Variants in LCOR observed in about 807,000 individuals in gnomAD.
The protein encoded by LCOR is ligand-dependent corepressor.
In LCOR, 14 loss-of-function variants were observed where a neutral mutation model predicts 64.4. The ratio of observed to expected loss-of-function variants is 0.22; its 90% CI spans 0.14 to 0.34. The LOEUF (loss-of-function observed/expected upper bound fraction) is 0.34. Ranked by LOEUF, LCOR falls within the 10% of genes least tolerant of loss-of-function variation. The pLI is 1.00. For missense variants in LCOR, 1,686 were observed against 1,765.3 expected (o/e 0.96, Z 0.80); for synonymous variants, 643 against 642.5 (o/e 1.00, Z -0.01).
intron 4 of LCOR, among the ~76,000 whole-genome samples, chr10:96,927,932 T>C (rs1305977887): frequency 1.3e-5 from 2 of 152,246 alleles, no homozygotes; most frequent in African/African-American, 2.4e-5. Context: ...GTCTGTTAAG[T>C]GTGCAATAGC....
intron 4 of LCOR, among the ~76,000 whole-genome samples, chr10:96,924,782 A>G (rs973208397): frequency 6.6e-6 from 1 of 152,196 alleles, no homozygotes; most frequent in Non-Finnish European, 1.5e-5. Flanking sequence ...ACTCTTAAAT[A>G]TTTCAGTGTG....
At chr10:96,849,297 TCTC>T (rs1400556853) in intron 2 of LCOR, among the ~76,000 whole-genome samples, 1 of 151,964 alleles carries the variant, frequency 6.6e-6, no homozygotes, top group Non-Finnish European at 1.5e-5. Flanking sequence ...ATGGTCTCGA[TCTC>T]CTGATCTCGT....
At chr10:96,913,748 C>G (rs890831388) in intron 4 of LCOR, among the ~76,000 whole-genome samples, 2 of 152,002 alleles carry the variant, frequency 1.3e-5, no homozygotes, top group African/African-American at 4.8e-5. Context: ...ATGGCAAAAC[C>G]CCATCTCTAC....
intron 7 of LCOR, among the ~76,000 whole-genome samples, chr10:96,971,970 T>C (rs1250093115): frequency 6.6e-6 from 1 of 152,136 alleles, no homozygotes; most frequent in African/African-American, 2.4e-5. Flanking sequence ...CAGATGATTT[T>C]ATTAATACTT....
chr10:96,950,330 T>C (rs1032514102), intron 6 of LCOR, among the ~76,000 whole-genome samples: 3 of 152,166 alleles, frequency 2.0e-5, no homozygotes, highest in Admixed American at 6.5e-5. Flanking sequence ...ATCTGAGTTC[T>C]GAGAGATTTC....
chr10:96,918,914 C>T (rs1027904021), intron 4 of LCOR, among the ~76,000 whole-genome samples: 6 of 152,064 alleles, frequency 3.9e-5, no homozygotes, highest in African/African-American at 1.4e-4. Context: ...CAGCACTGCT[C>T]AAAGTTTTCT....
intron 2 of LCOR, among the ~76,000 whole-genome samples, chr10:96,849,351 G>A (rs908762566): frequency 4.6e-5 from 7 of 152,042 alleles, no homozygotes; most frequent in Non-Finnish European, 1.5e-5. Context: ...GGGATTACAG[G>A]CGTGAGCCAC....
rs1025233058 is a variant in LCOR, at chr10:96,958,133, T to C, written c.332+5937T>C. ...GCAGCCATAGTACCTTTTTGCGTAATGTTTGGGATATTCAGTAGCCCAGGA... is the reference window on the plus strand; with the variant it reads ...GCAGCCATAGTACCTTTTTGCGTAACGTTTGGGATATTCAGTAGCCCAGGA... On this transcript the variant is annotated intron_variant, in intron 7 of 7. Transcript: ENST00000421806. 20 of 1,190,458 alleles carry C rather than the reference T, an allele frequency of 1.7e-5. No individual in the cohort carries two copies. In the South Asian group the frequency reaches 1.8e-4, roughly 11 times the overall value. 73.7% of individuals were successfully genotyped at this position (1,190,458 alleles called of 1,614,324 possible).
chr10:96,968,327 G>A (rs1847968735), intron 7 of LCOR, among the ~76,000 whole-genome samples: 1 of 152,030 alleles, frequency 6.6e-6, no homozygotes, highest in Non-Finnish European at 1.5e-5. Context: ...TACCACTTTG[G>A]CATTCTTGAC....
chr10:96,941,312 C>T (rs1156775348), intron 4 of LCOR, among the ~76,000 whole-genome samples: 839 of 132,364 alleles, frequency 6.3e-3, no homozygotes, highest in Non-Finnish European at 7.7e-3. Flanking sequence ...CCCTCCCGGA[C>T]GGGGCGGCTG....
At chr10:96,956,428 GAAA>G in intron 7 of LCOR, 1 of 985,140 alleles carries the variant, frequency 1.0e-6, no homozygotes, top group Non-Finnish European at 1.2e-6. Context: ...TTAAACTAAA[GAAA>G]AAACTAAGAA....
At chr10:96,884,380 A>C (rs147542707) in intron 2 of LCOR, among the ~76,000 whole-genome samples, 334 of 152,364 alleles carry the variant, frequency 2.2e-3, no homozygotes, top group African/African-American at 7.6e-3. Flanking sequence ...ACGCTAAAGT[A>C]GTATCTTTGG....
At chr10:96,951,934 C>G (rs900106493) in intron 6 of LCOR, among the ~76,000 whole-genome samples, 169 bp from the exon 7 acceptor site, 2 of 152,158 alleles carry the variant, frequency 1.3e-5, no homozygotes, top group African/African-American at 4.8e-5. Context: ...ACATGCCTTG[C>G]TAAATTTATG....
rs751419395 is a variant in LCOR, at chr10:96,982,154, C to G, written c.1694C>G (p.Pro565Arg). ...GTGCAGCTTCCCAGAGAAGACAACCCTGAAGAACCTAGCAAGGAAATCACC... is the reference window on the plus strand; with the variant it reads ...GTGCAGCTTCCCAGAGAAGACAACCGTGAAGAACCTAGCAAGGAAATCACC... ...VDVQLPREDN[P>R]EEPSKEITSH... Residue 565 changes from proline (P) to arginine (R), a missense_variant, in exon 8 of 8, where the codon CCT (proline) becomes CGT (arginine). Around this residue, in one of 3 missense-constraint regions of LCOR, gnomAD observed 1,293 missense variants for 1,410.4 expected, o/e 0.92. Transcript: ENST00000421806. 1.2e-6 allele frequency: 2 copies of G among 1,614,148 alleles called. No individual in the cohort carries two copies. The highest frequency in any genetic ancestry group is 1.7e-5 in the Admixed American group (1 of 60,028).
intron 4 of LCOR, among the ~76,000 whole-genome samples, chr10:96,930,719 G>A (rs895430741): frequency 2.0e-5 from 3 of 152,106 alleles, no homozygotes; most frequent in African/African-American, 7.2e-5. Context: ...TAAGAGGTGG[G>A]GCCTTTTAAG....
At chr10:96,928,620 G>GT (rs1847206883) in intron 4 of LCOR, among the ~76,000 whole-genome samples, 1 of 152,010 alleles carries the variant, frequency 6.6e-6, no homozygotes, top group South Asian at 2.1e-4. Context: ...CAAAACTCTT[G>GT]TTAATATTTA....
intron 2 of LCOR, among the ~76,000 whole-genome samples, chr10:96,904,396 G>A (rs866324639): frequency 6.6e-6 from 1 of 152,130 alleles, no homozygotes; most frequent in African/African-American, 2.4e-5. Context: ...ACAGTAGGTA[G>A]GGTCAAATTA....
chr10:96,864,614 G>T (rs1845940525), intron 2 of LCOR, among the ~76,000 whole-genome samples: 1 of 152,174 alleles, frequency 6.6e-6, no homozygotes, highest in African/African-American at 2.4e-5. Flanking sequence ...TTCTCTGCAT[G>T]TATGTATGGT....
At chr10:96,846,004 T>A (rs933380130) in intron 2 of LCOR, among the ~76,000 whole-genome samples, 3 of 151,898 alleles carry the variant, frequency 2.0e-5, no homozygotes, top group African/African-American at 7.3e-5. Flanking sequence ...GTCAGGAGTT[T>A]GAGACCAGCC....
Sources: gnomAD v4.1 joint callset for allele counts (sites outside exome capture counted in the v4.1 genomes callset) on GRCh38, gnomAD v4.1.1 for gene constraint, gnomAD v4.1.1 regional missense constraint, MANE v1.5 for transcripts, NCBI Gene and HGNC (gene_info 2026-07-23, HGNC 2026-07-21) for gene names.